Variants in USP24 observed in about 807,000 individuals in gnomAD.
The protein encoded by USP24 is ubiquitin carboxyl-terminal hydrolase 24.
A neutral mutation model predicts 361.6 loss-of-function variants in USP24; 97 were observed. The ratio of observed to expected loss-of-function variants is 0.27; its 90% CI spans 0.23 to 0.32. USP24 has a LOEUF of 0.32. USP24 is among the 10% of genes least tolerant of loss of function. USP24 has a pLI of 1.00. For synonymous variants in USP24, 1,098 were observed against 1,124.6 expected, an observed-to-expected ratio of 0.98 and a Z score of 0.47; for missense variants, 2,353 against 3,165.6, an observed-to-expected ratio of 0.74 and a Z score of 6.16.
chr1:55,178,039 A>G lies in USP24; in HGVS notation c.418T>C (p.Trp140Arg). 1 of 1,551,678 alleles carries G rather than the reference A, an allele frequency of 6.4e-7. No individual in the cohort carries two copies. The highest frequency in any genetic ancestry group is 8.7e-7 in the Non-Finnish European group (1 of 1,146,944). The change falls in exon 2 of 68, where the codon TGG becomes CGG. Residue 140 changes from tryptophan to arginine, a missense_variant. Physicochemically the swap from Trp to Arg is moderately radical, Grantham distance 101 (BLOSUM62 -3). Transcript: ENST00000294383. The part of the protein sequence containing the change: ...ELESRVLTDH[W>R]SIPYKREESL... ...TCTTCTCGCTTGTAAGGGATGGACC[A>G]ATGATCAGTCAAAACACGGCTTTCC...
chr1:55,211,376 A>G (rs919361640), intron 1 of USP24, among the ~76,000 whole-genome samples: 11 of 152,220 alleles, frequency 7.2e-5, no homozygotes, highest in African/African-American at 2.7e-4. Context: ...GAACATTTAC[A>G]TCCAACAATA....
In USP24 at chr1:55,099,822, A is replaced by G. The variant is rs1361998089; in HGVS notation, c.5319T>C (p.Asp1773=). The change falls in exon 45 of 68, where the codon GAT becomes GAC. Residue 1773 remains aspartate (D), a synonymous_variant. Coordinates refer to ENST00000294383, the MANE Select transcript of USP24 (RefSeq NM_015306.3). ...NKELYVREQQ[D]AYEFFTSLID... ...TGAGACTAGTAAAGAATTCATATGC[A>G]TCCTGCTGTTCTCTCACATAAAGTT... is the stretch of plus-strand genomic sequence containing the variant. The G allele has an allele frequency of 2.6e-6, 4 of 1,559,874 alleles. No individual in the cohort carries two copies. Among genetic ancestry groups the G allele is most frequent in the Non-Finnish European group, 1.7e-6 (2 of 1,150,688 alleles).
At chr1:55,153,966 C>A (rs777205380) in intron 15 of USP24, 49 bp from the exon 16 acceptor site, 1 of 1,541,198 alleles carries the variant, frequency 6.5e-7, no homozygotes. Flanking sequence ...AAAAGCAATA[C>A]CTATAATTTC....
At chr1:55,176,525 T>C (rs1649997505) in intron 2 of USP24, 82 bp from the exon 3 acceptor site, 3 of 1,305,626 alleles carry the variant, frequency 2.3e-6, no homozygotes, top group Non-Finnish European at 3.2e-6. Context: ...ATAATACACG[T>C]TATTTAGGTC....
At position 55,154,699 on chromosome 1, in the gene USP24, A is replaced by C; in HGVS notation, c.1526T>G (p.Leu509Arg). ...CTGAATGAGAACAAACAAATGATTA[A>C]GCTGATCTGAATTAAATTTCACAGC... ...AAAVKFNSDQ[L>R]NHLFVLIQKS... The change falls in exon 13 of 68, where the codon CTT becomes CGT. Residue 509 changes from leucine to arginine, a missense_variant. Coordinates refer to ENST00000294383, the MANE Select transcript of USP24 (RefSeq NM_015306.3). 1 of 1,613,458 alleles carries C rather than the reference A, an allele frequency of 6.2e-7. No individual in the cohort carries two copies. Among genetic ancestry groups the C allele is most frequent in the Admixed American group, 1.7e-5 (1 of 59,972 alleles).
chr1:55,202,803 G>A (rs1030882609), intron 1 of USP24, among the ~76,000 whole-genome samples: 1 of 152,180 alleles, frequency 6.6e-6, no homozygotes, highest in African/African-American at 2.4e-5. Flanking sequence ...GATGCTAGTC[G>A]AGAGACCACA....
chr1:55,108,693 G>C (rs1190743859), intron 39 of USP24, among the ~76,000 whole-genome samples: 1 of 152,160 alleles, frequency 6.6e-6, no homozygotes, highest in African/African-American at 2.4e-5. Flanking sequence ...ACAACACAGG[G>C]AAGGTCTACA....
intron 55 of USP24, 149 bp downstream of exon 55, chr1:55,089,478 T>C: frequency 1.6e-6 from 1 of 608,928 alleles, no homozygotes; most frequent in Non-Finnish European, 2.9e-6. Flanking sequence ...CCTGAATTAT[T>C]TCCTCACTGT....
intron 59 of USP24, among the ~76,000 whole-genome samples, chr1:55,080,916 G>C (rs1645136093): frequency 6.6e-6 from 1 of 152,010 alleles, no homozygotes; most frequent in African/African-American, 2.4e-5. Flanking sequence ...CATTATACCT[G>C]GGGAATTATG....
chr1:55,089,582 G>A, intron 55 of USP24, 45 bp downstream of exon 55: 2 of 1,340,496 alleles, frequency 1.5e-6, no homozygotes, highest in Non-Finnish European at 2.1e-6. Flanking sequence ...CTAAATCACT[G>A]GAAGAGACAC....
chr1:55,159,689 T>C lies in USP24; in HGVS notation c.994-4A>G, dbSNP rs1185743221. 2 of 1,554,082 alleles carry C rather than the reference T, an allele frequency of 1.3e-6. No homozygotes were observed. The highest frequency in any genetic ancestry group is 8.7e-7 in the Non-Finnish European group (1 of 1,147,562). On this transcript the variant is annotated splice_polypyrimidine_tract_variant and splice_region_variant and intron_variant, in intron 8 of 67. Transcript: ENST00000294383. Reference sequence around the variant, plus strand: ...GAATGACTGGGTCTAGCATGGGCTGTAGAAATAAAATGCTACAGTTAAGAA... The same window carrying C: ...GAATGACTGGGTCTAGCATGGGCTGCAGAAATAAAATGCTACAGTTAAGAA...
intron 5 of USP24, among the ~76,000 whole-genome samples, chr1:55,167,630 C>G (rs766216201): frequency 1.3e-5 from 2 of 152,106 alleles, no homozygotes; most frequent in African/African-American, 2.4e-5. Flanking sequence ...CCAGTCAGAA[C>G]GCCAGTGCAG....
In USP24 at chr1:55,123,353, A is replaced by T. The variant is rs575537076; in HGVS notation, c.4276+94T>A. Reference sequence around the variant, plus strand: ...CTTCCCGCCTTTTTCATTTTGACCAATGGGACCTTATCTAGGAAGAAATGT... The same window carrying T: ...CTTCCCGCCTTTTTCATTTTGACCATTGGGACCTTATCTAGGAAGAAATGT... On this transcript the variant is annotated intron_variant, in intron 36 of 67. Coordinates refer to ENST00000294383, the MANE Select transcript of USP24 (RefSeq NM_015306.3). The T allele has an allele frequency of 2.2e-6, 3 of 1,370,508 alleles. No homozygotes were observed. The African/African-American group carries it at 4.4e-5, about 20-fold the overall frequency. The allele number at this position is 1,370,508 out of a possible 1,614,324, so 84.9% of individuals were successfully genotyped here. A position where few individuals can be genotyped will look rare whatever the true frequency, so the allele number is the denominator to read the frequency against.
intron 1 of USP24, among the ~76,000 whole-genome samples, chr1:55,212,653 G>A (rs1369815817): frequency 1.3e-5 from 2 of 152,122 alleles, no homozygotes; most frequent in African/African-American, 4.8e-5. Context: ...AACCACAGAG[G>A]CACATTCTGC....
chr1:55,121,377 G>A, intron 37 of USP24, 59 bp downstream of exon 37: 1 of 1,496,500 alleles, frequency 6.7e-7, no homozygotes, highest in South Asian at 1.2e-5. Flanking sequence ...AGGTAGTTGA[G>A]ACAGCTCACA....
chr1:55,115,997 C>T (rs967157378), intron 38 of USP24, among the ~76,000 whole-genome samples: 1 of 151,964 alleles, frequency 6.6e-6, no homozygotes, highest in African/African-American at 2.4e-5. Context: ...GAGGGGAACA[C>T]CACACACCAG....
At chr1:55,079,435 C>A (rs1445625177) in intron 60 of USP24, 103 bp downstream of exon 60, 44 of 1,422,698 alleles carry the variant, frequency 3.1e-5, no homozygotes, top group Non-Finnish European at 3.9e-5. Flanking sequence ...TTTGAAAGAA[C>A]CATTTCTTAA....
chr1:55,192,225 A>C (rs2100881438), intron 1 of USP24, among the ~76,000 whole-genome samples: 1 of 152,344 alleles, frequency 6.6e-6, no homozygotes, highest in African/African-American at 2.4e-5. Flanking sequence ...CAACAAGGAT[A>C]CATTACTGTA....
rs754934612 is a variant in USP24, at chr1:55,075,662, ACAACACCAC to A, written c.7381-148_7381-140del. ...AACAACAACAACAACAACAACAACA[ACAACACCAC>A]CACCACCAATACAGGACGGGCATGG... On this transcript the variant is annotated intron_variant, in intron 62 of 67. Coordinates refer to ENST00000294383, the MANE Select transcript of USP24 (RefSeq NM_015306.3). 995 of 464,176 alleles carry A rather than the reference ACAACACCAC, an allele frequency of 2.1e-3. 3 individuals carry two copies. The highest frequency in any genetic ancestry group is 0.021 in the African/African-American group (365 of 17,192). The allele number at this position is 464,176 out of a possible 1,614,324, so 28.8% of individuals were successfully genotyped here. A position where few individuals can be genotyped will look rare whatever the true frequency, so the allele number is the denominator to read the frequency against.
Sources: allele counts gnomAD v4.1 joint callset (sites outside exome capture counted in the v4.1 genomes callset), GRCh38; gene constraint gnomAD v4.1.1; transcripts MANE v1.5; gene names NCBI Gene and HGNC (gene_info 2026-07-23, HGNC 2026-07-21).